The following CORO7 variants were observed in gnomAD, a reference collection of about 807,000 sequenced individuals.
The protein encoded by CORO7 is coronin-7.
CORO7 carries 107 observed loss-of-function variants against 126.6 expected under a neutral mutation model. The ratio of observed to expected loss-of-function variants is 0.85; its 90% CI spans 0.72 to 0.99. The LOEUF (loss-of-function observed/expected upper bound fraction) is 0.99, where lower values mean the gene tolerates loss of function less well. Among genes scored for constraint, CORO7 ranks in the 50% least tolerant of loss-of-function variants. The probability of loss-of-function intolerance (pLI) is 0.00; values close to 1 mark genes in which losing one functional copy is unlikely to be tolerated. For synonymous variants in CORO7, 603 were observed against 536.8 expected (o/e 1.12, Z -1.70); for missense variants, 1,314 against 1,255.8 (o/e 1.05, Z -0.70).
chr16:4,382,006 C>A, intron 9 of CORO7: 1 of 1,605,776 alleles, frequency 6.2e-7, no homozygotes, highest in Non-Finnish European at 8.5e-7. Flanking sequence ...TAGCTTGGCT[C>A]CTACCTGGCT....
intron 7 of CORO7, among the ~76,000 whole-genome samples, chr16:4,391,133 T>A (rs777482442): frequency 4.6e-5 from 7 of 152,028 alleles, no homozygotes; most frequent in Admixed American, 2.6e-4. Flanking sequence ...GTATCAAAAA[T>A]GAGAGGTGGG....
chr16:4,390,204 G>A (rs2055339044), intron 7 of CORO7, among the ~76,000 whole-genome samples: 1 of 152,200 alleles, frequency 6.6e-6, no homozygotes, highest in African/African-American at 2.4e-5. Context: ...GGACCCAGGA[G>A]AGCCCCAGCC....
chr16:4,381,924 C>T (rs200357204), intron 9 of CORO7: 3 of 1,606,802 alleles, frequency 1.9e-6, no homozygotes, highest in African/African-American at 1.3e-5. Flanking sequence ...ACTTTGGCTG[C>T]CCAGCCACCA....
At chr16:4,399,484 G>C (rs976634675) in intron 6 of CORO7, among the ~76,000 whole-genome samples, 1 of 152,178 alleles carries the variant, frequency 6.6e-6, no homozygotes, top group Non-Finnish European at 1.5e-5. Context: ...CCAATTCCTA[G>C]GGGCCGGGAG....
Position 4,358,434 on chromosome 16 carries a change from A to C in CORO7, c.2390T>G (p.Leu797Arg). ...KTECDVREVE[L>R]MRCLRLRQSS... ...CTGACGCAGCCGCAGGCACCGCATC[A>C]GCTCCACTTCCCGCACGTCGCACTC... Residue 797 changes from leucine to arginine, a missense_variant, in exon 24 of 28, where the codon CTG becomes CGG. Physicochemically the swap from Leu to Arg is moderately radical, Grantham distance 102. Coordinates refer to ENST00000251166, the MANE Select transcript of CORO7 (RefSeq NM_024535.5). 6.2e-7 allele frequency: 1 copy of C among 1,611,938 alleles called. No homozygotes were observed. The highest frequency in any genetic ancestry group is 8.5e-7 in the Non-Finnish European group (1 of 1,179,272).
chr16:4,391,504 C>A (rs747002890), intron 7 of CORO7, among the ~76,000 whole-genome samples: 1 of 152,260 alleles, frequency 6.6e-6, no homozygotes, highest in South Asian at 2.1e-4. Context: ...CGCAGTGAGC[C>A]GAGACTGTGC....
At chr16:4,388,689 C>T (rs1357506432) in intron 7 of CORO7, 58 bp from the exon 8 acceptor site, 2 of 1,551,290 alleles carry the variant, frequency 1.3e-6, no homozygotes, top group African/African-American at 1.3e-5. Context: ...GGCGGGGCCC[C>T]CTGGAATGGG....
rs1242803658 is a variant in CORO7, at chr16:4,355,283, C to T, written c.2772+3G>A. On this transcript the variant is annotated splice_donor_region_variant and intron_variant, in intron 27 of 27. Coordinates refer to ENST00000251166, the MANE Select transcript of CORO7 (RefSeq NM_024535.5). The stretch of plus-strand genomic sequence containing the variant: ...CCGGGAAGTGAGGCCACTCACTACT[C>T]ACCCACTCGTCCTCGTCCACGCCTT... 2.5e-6 allele frequency: 4 copies of T among 1,613,404 alleles called. No homozygotes were observed. Among genetic ancestry groups the T allele is most frequent in the Non-Finnish European group, 3.4e-6 (4 of 1,179,906 alleles).
At position 4,361,463 on chromosome 16, in the gene CORO7, T is replaced by G. The variant is rs778046320; in HGVS notation, c.1585A>C (p.Lys529Gln). Residue 529 changes from lysine (K) to glutamine (Q), a missense_variant, in exon 17 of 28, where the codon AAG becomes CAG. Coordinates refer to ENST00000251166, the MANE Select transcript of CORO7 (RefSeq NM_024535.5). ...GCCGTGTCGGGCAGGCGGCCAGGCT[T>G]CCGTAGCTGTGGGAGGTGCCCCCAC... ...GGQVAVLELR[K>Q]PGRLPDTALP... 2 of 1,611,492 alleles carry G rather than the reference T, an allele frequency of 1.2e-6. No individual in the cohort carries two copies. Among genetic ancestry groups the G allele is most frequent in the Non-Finnish European group, 1.7e-6 (2 of 1,179,714 alleles).
At chr16:4,415,879 C>A (rs2056389984) in intron 1 of CORO7, 4 of 985,532 alleles carry the variant, frequency 4.1e-6, no homozygotes, top group African/African-American at 3.5e-5. Context: ...CCAGCCGTGG[C>A]AGCATCACCG....
Position 4,412,414 on chromosome 16 carries a change from C to CA in CORO7, c.173dup (p.Pro59AlafsTer31). On this transcript the variant is annotated frameshift_variant, in exon 3 of 28. Transcript: ENST00000251166. LOFTEE classifies it high-confidence loss of function. ...TGTCCTCTCCTTGGCCTTGCAGAGG[C>CA]ACAATGCCCAGTACACCTGTTAAAC... 1 of 1,614,238 alleles carries CA rather than the reference C, an allele frequency of 6.2e-7. No individual in the cohort carries two copies. The highest frequency in any genetic ancestry group is 8.5e-7 in the Non-Finnish European group (1 of 1,180,042).
chr16:4,405,529 A>C lies in CORO7; in HGVS notation c.526T>G (p.Trp176Gly). The change falls in exon 6 of 28, where the codon TGG (tryptophan) becomes GGG (glycine). Residue 176 changes from tryptophan (W) to glycine (G), a missense_variant. Transcript: ENST00000251166. ...CCCACCAGGGCTCCATCTCGGCTCC[A>C]GACGGCGCTCTGCACCAGGTCCCCA... The part of the protein sequence containing the change: ...AHGDLVQSAV[W>G]SRDGALVGTA... The C allele has an allele frequency of 1.2e-6, 2 of 1,612,992 alleles. No individual in the cohort carries two copies. The highest frequency in any genetic ancestry group is 1.7e-6 in the Non-Finnish European group (2 of 1,179,896).
intron 26 of CORO7, 133 bp from the exon 27 acceptor site, chr16:4,355,505 C>T (rs540429476): frequency 9.1e-5 from 93 of 1,024,282 alleles, no homozygotes; most frequent in South Asian, 2.1e-4. Context: ...TGCTCTGTCG[C>T]CCAGGCTGGA....
Position 4,357,215 on chromosome 16 carries a change from A to T in CORO7, c.2638T>A (p.Ser880Thr). 1 of 1,613,242 alleles carries T rather than the reference A, an allele frequency of 6.2e-7. No homozygotes were observed. The highest frequency in any genetic ancestry group is 8.5e-7 in the Non-Finnish European group (1 of 1,179,932). ...GACTTTTCTTCCAGGTACTGCGCTG[A>T]GGATGGGGCCCGACGAGCAGGGGCC... The part of the protein sequence containing the change: ...REAPARRAPS[S>T]AQYLEEKSDQ... Residue 880 changes from serine (S) to threonine (T), a missense_variant, in exon 26 of 28, where the codon TCA becomes ACA. Ser to Thr is a moderately conservative substitution (Grantham distance 58). Coordinates refer to ENST00000251166, the MANE Select transcript of CORO7 (RefSeq NM_024535.5).
intron 7 of CORO7, among the ~76,000 whole-genome samples, chr16:4,394,344 G>A (rs767413615): frequency 6.6e-6 from 1 of 151,918 alleles, no homozygotes; most frequent in Non-Finnish European, 1.5e-5. Context: ...AGCTACTCGG[G>A]AGGCTGAGGT....
At chr16:4,372,874 C>T (rs917728099) in intron 9 of CORO7, among the ~76,000 whole-genome samples, 2 of 152,172 alleles carry the variant, frequency 1.3e-5, no homozygotes, top group African/African-American at 4.8e-5. Flanking sequence ...GTCCCCATGC[C>T]TGCCTTTTGC....
At chr16:4,360,837 C>T in intron 19 of CORO7, 106 bp downstream of exon 19, 2 of 1,527,110 alleles carry the variant, frequency 1.3e-6, no homozygotes, top group Non-Finnish European at 1.7e-6. Flanking sequence ...GCTGGTCCTG[C>T]CTCTCCTCAC....
intron 9 of CORO7, among the ~76,000 whole-genome samples, chr16:4,370,957 G>A (rs573014174): frequency 3.4e-4 from 52 of 152,350 alleles, no homozygotes; most frequent in African/African-American, 9.1e-4. Context: ...GACCACAAAC[G>A]CGGAGGGGGA....
intron 3 of CORO7, among the ~76,000 whole-genome samples, chr16:4,409,648 C>G (rs1385565509): frequency 1.3e-5 from 2 of 152,218 alleles, no homozygotes; most frequent in African/African-American, 2.4e-5. Flanking sequence ...AGCTTCAGAA[C>G]CTGTGCTGCT....
Sources: gnomAD v4.1 joint callset for allele counts (sites outside exome capture counted in the v4.1 genomes callset) on GRCh38, gnomAD v4.1.1 for gene constraint, MANE v1.5 for transcripts, NCBI Gene and HGNC (gene_info 2026-07-23, HGNC 2026-07-21) for gene names.